Variants in ATP10B observed in about 807,000 individuals in gnomAD.
ATP10B encodes phospholipid-transporting ATPase VB.
Under a neutral mutation model 141.2 loss-of-function variants are expected in ATP10B, and 122 were observed. The ratio of observed to expected loss-of-function variants is 0.86; its 90% CI spans 0.75 to 1.00. The LOEUF is 1.00. Ranked by LOEUF, ATP10B falls within the 50% of genes least tolerant of loss-of-function variation. The pLI is 0.00. For missense variants in ATP10B, 1,876 were observed against 1,825.3 expected (o/e 1.03, Z -0.51); for synonymous variants, 685 against 692.0 (o/e 0.99, Z 0.16).
At chr5:160,823,035 T>TAA (rs1359975455) in intron 1 of ATP10B, among the ~76,000 whole-genome samples, 100 of 111,860 alleles carry the variant, frequency 8.9e-4, no homozygotes, top group Non-Finnish European at 1.6e-3. Context: ...TATATATATA[T>TAA]AAAATAAAGA....
the ATP10B span, among the ~76,000 whole-genome samples, chr5:160,911,898 A>G: frequency 6.6e-6 from 1 of 152,206 alleles, no homozygotes; most frequent in African/African-American, 2.4e-5. Flanking sequence ...GAGATCTTAG[A>G]CCGGTGTCTG....
chr5:160,852,226 T>C (rs1442063128), upstream of ATP10B: 1 of 152,176 alleles, frequency 6.6e-6, no homozygotes, highest in Admixed American at 6.6e-5. Context: ...GAATAGCAAG[T>C]CTGTGAATGT....
chr5:160,709,575 T>C (rs1765227105), intron 3 of ATP10B, among the ~76,000 whole-genome samples: 2 of 151,600 alleles, frequency 1.3e-5, no homozygotes, highest in South Asian at 2.1e-4. Context: ...TGAGATGCAA[T>C]GGATACTTTC....
intron 20 of ATP10B, 33 bp downstream of exon 20, chr5:160,603,932 C>A: frequency 1.3e-6 from 2 of 1,583,284 alleles, no homozygotes; most frequent in Non-Finnish European, 1.7e-6. Flanking sequence ...AACTAAGGAC[C>A]AAAGAAAGAA....
chr5:160,875,076 T>C, the ATP10B span, among the ~76,000 whole-genome samples: 1 of 103,606 alleles, frequency 9.7e-6, no homozygotes, highest in African/African-American at 3.3e-5. Context: ...CCAAGACACA[T>C]AATTGTCAGA....
rs1344959959 is a variant in ATP10B at position 160,781,567 on chromosome 5, G to A, written c.-331+3992C>T. On this transcript the variant is annotated intron_variant, in intron 2 of 25. Coordinates refer to ENST00000327245, the MANE Select transcript of ATP10B (RefSeq NM_025153.3). The stretch of plus-strand genomic sequence containing the variant: ...ACTTAGGTAAGATCCTGAATGATAT[G>A]ATAGAAAACATCTTTGGAAATAGAA... Among the ~76,000 whole-genome samples the A allele has an allele frequency of 5.3e-5, 8 of 152,186 alleles. No individual in the cohort carries two copies. The East Asian group carries it at 1.5e-3, about 29-fold the overall frequency.
rs184970732 is a variant in ATP10B at position 160,827,259 on chromosome 5, C to A, written c.-576+24682G>T. The stretch of plus-strand genomic sequence containing the variant: ...CAACACTTACAGAAAATAGGAAGAA[C>A]CTACGTTGAAATATTGGGGGCAGGT... On this transcript the variant is annotated intron_variant, in intron 1 of 25. Transcript: ENST00000327245. 5.0e-3 allele frequency among the ~76,000 whole-genome samples: 764 copies of A among 152,282 alleles called. 7 individuals are homozygous for A. The highest frequency in any genetic ancestry group is 0.017 in the African/African-American group (727 of 41,548).
intron 2 of ATP10B, among the ~76,000 whole-genome samples, chr5:160,755,870 T>TATAC (rs1561820583): frequency 2.7e-5 from 3 of 110,526 alleles, no homozygotes; most frequent in Middle Eastern, 4.1e-3. Flanking sequence ...TATATATATA[T>TATAC]ATATATATTA....
chr5:160,632,147 C>A lies in ATP10B; in HGVS notation c.1602G>T (p.Val534=). 1 of 1,613,796 alleles carries A rather than the reference C, an allele frequency of 6.2e-7. No individual in the cohort carries two copies. Among genetic ancestry groups the A allele is most frequent in the Non-Finnish European group, 8.5e-7 (1 of 1,179,714 alleles). ...MGHRESSQPP[V]AFSSSIEKDV... ...GACTTACTATGGAGCTGCTGAAGGC[C>A]ACAGGAGGCTGTGAGCTTTCACGGT... is the stretch of plus-strand genomic sequence containing the variant. Residue 534 remains valine, a synonymous_variant, in exon 13 of 26, where the codon GTG becomes GTT. Transcript: ENST00000327245.
At position 160,598,933 on chromosome 5, in the gene ATP10B, C is replaced by T; in HGVS notation, c.3401G>A (p.Cys1134Tyr). ...VNLLFWYQFF[C>Y]GFSSSTMIDY... ...AATCATGGTGGAGCTGGAGAAACCA[C>T]AGAAGAACTGATACCAGAAGAGCAG... The change falls in exon 22 of 26, where the codon TGT (cysteine) becomes TAT (tyrosine). Residue 1134 changes from cysteine to tyrosine, a missense_variant. Physicochemically the swap from Cys to Tyr is radical, Grantham distance 194. Transcript: ENST00000327245. 6.2e-7 allele frequency: 1 copy of T among 1,614,160 alleles called. No individual in the cohort carries two copies. Among genetic ancestry groups the T allele is most frequent in the Non-Finnish European group, 8.5e-7 (1 of 1,180,000 alleles).
intron 7 of ATP10B, among the ~76,000 whole-genome samples, chr5:160,650,993 G>A (rs529870197): frequency 5.6e-4 from 85 of 152,156 alleles, no homozygotes; most frequent in African/African-American, 2.0e-3. Context: ...AATTTGTTTT[G>A]CTGTTATAAA....
intron 2 of ATP10B, among the ~76,000 whole-genome samples, chr5:160,781,510 C>CT (rs1468269228): frequency 1.3e-5 from 2 of 152,052 alleles, no homozygotes; most frequent in African/African-American, 2.4e-5. Flanking sequence ...ACCACCCTTG[C>CT]TGCTCTGGGA....
At chr5:160,632,489 T>C (rs1446736759) in intron 12 of ATP10B, 122 bp from the exon 13 acceptor site, 6 of 898,172 alleles carry the variant, frequency 6.7e-6, no homozygotes, top group Admixed American at 2.2e-5. Context: ...CTCTGAAAAA[T>C]TGGCATCTGG....
At position 160,785,576 on chromosome 5, in the gene ATP10B, A is replaced by G; in HGVS notation, c.-348T>C. ...GATAGTACCTGATAGGTAGATTTCA[A>G]GTCTTGTTCCTCTTTCTCCTTCCCT... On this transcript the variant is annotated 5_prime_UTR_variant, in exon 2 of 26. Coordinates refer to ENST00000327245, the MANE Select transcript of ATP10B (RefSeq NM_025153.3). The G allele has an allele frequency of 1.1e-6, 1 of 876,798 alleles. No individual in the cohort carries two copies. Among genetic ancestry groups the G allele is most frequent in the Non-Finnish European group, 1.6e-6 (1 of 612,474 alleles). 54.3% of individuals were successfully genotyped at this position (876,798 alleles called of 1,614,324 possible). A position where few individuals can be genotyped will look rare whatever the true frequency, so the allele number is the denominator to read the frequency against.
chr5:160,854,875 T>G (rs1403269475), upstream of ATP10B, among the ~76,000 whole-genome samples: 1 of 152,150 alleles, frequency 6.6e-6, no homozygotes, highest in Non-Finnish European at 1.5e-5. Context: ...TTTAATAGAT[T>G]GACGCAATTA....
chr5:160,857,160 G>A (rs1347728870), upstream of ATP10B, among the ~76,000 whole-genome samples: 1 of 151,732 alleles, frequency 6.6e-6, no homozygotes, highest in Non-Finnish European at 1.5e-5. Context: ...CAAATTGTAG[G>A]ATTCCCCAGT....
At chr5:160,917,104 C>T in the ATP10B span, among the ~76,000 whole-genome samples, 11 of 152,008 alleles carry the variant, frequency 7.2e-5, no homozygotes, top group African/African-American at 2.7e-4. Flanking sequence ...TCTCTTCTAC[C>T]TTATACCTCC....
intron 8 of ATP10B, 69 bp from the exon 9 acceptor site, chr5:160,644,313 C>T: frequency 9.3e-7 from 1 of 1,080,036 alleles, no homozygotes; most frequent in South Asian, 1.3e-5. Context: ...GGTACTGTCA[C>T]AGAACTAGAA....
intron 2 of ATP10B, among the ~76,000 whole-genome samples, chr5:160,755,587 G>A (rs918351452): frequency 4.7e-5 from 7 of 150,100 alleles, no homozygotes; most frequent in East Asian, 1.9e-4. Context: ...AGGCCGAGGC[G>A]GGCGGATCAC....
Sources: allele counts gnomAD v4.1 joint callset (sites outside exome capture counted in the v4.1 genomes callset), GRCh38; gene constraint gnomAD v4.1.1; transcripts MANE v1.5; gene names NCBI Gene and HGNC (gene_info 2026-07-23, HGNC 2026-07-21).